The following TANC1 variants were observed in gnomAD, a reference collection of about 807,000 sequenced individuals.
The protein encoded by TANC1 is protein TANC1.
TANC1 carries 77 observed loss-of-function variants against 149.7 expected under a neutral mutation model. That is an observed-to-expected ratio of 0.51 (90% CI 0.43 to 0.62). TANC1 has a LOEUF of 0.62. Ranked by LOEUF, TANC1 falls within the 20% of genes least tolerant of loss-of-function variation. The probability of loss-of-function intolerance (pLI) is 0.00; values close to 1 mark genes in which losing one functional copy is unlikely to be tolerated. For missense variants in TANC1, 1,985 were observed against 2,321.8 expected, an observed-to-expected ratio of 0.85 and a Z score of 2.98; for synonymous variants, 854 against 925.0, an observed-to-expected ratio of 0.92 and a Z score of 1.39.
intron 1 of TANC1, among the ~76,000 whole-genome samples, chr2:158,977,410 G>C (rs1445376369): frequency 6.6e-6 from 1 of 151,890 alleles, no homozygotes; most frequent in Non-Finnish European, 1.5e-5. Flanking sequence ...TCCTGGGTTC[G>C]AGTGATTGTC....
At chr2:159,016,213 A>G (rs2038251211) in intron 2 of TANC1, among the ~76,000 whole-genome samples, 1 of 152,244 alleles carries the variant, frequency 6.6e-6, no homozygotes, top group Non-Finnish European at 1.5e-5. Flanking sequence ...TATGGATTGC[A>G]GCAGGCAAAG....
intron 4 of TANC1, among the ~76,000 whole-genome samples, chr2:159,115,082 G>C (rs566686513): frequency 6.6e-6 from 1 of 152,306 alleles, no homozygotes; most frequent in African/African-American, 2.4e-5. Context: ...AGTTTGGCAA[G>C]AGATGACAAC....
chr2:159,177,279 A>G (rs758678530), intron 13 of TANC1, among the ~76,000 whole-genome samples: 2 of 151,740 alleles, frequency 1.3e-5, no homozygotes, highest in Non-Finnish European at 2.9e-5. Context: ...ATGAGGTAAC[A>G]TTTGCAGCGA....
chr2:159,011,390 A>G (rs1208073566), intron 2 of TANC1, among the ~76,000 whole-genome samples: 3 of 152,212 alleles, frequency 2.0e-5, no homozygotes, highest in Non-Finnish European at 2.9e-5. Context: ...CTCAAAGAGG[A>G]AACACTCAGT....
chr2:159,169,177 A>G, intron 8 of TANC1, 73 bp from the exon 9 acceptor site: 1 of 1,232,382 alleles, frequency 8.1e-7, no homozygotes, highest in East Asian at 2.4e-5. Context: ...TTAGTGATTT[A>G]TAAGTTATAG....
At position 159,175,083 on chromosome 2, in the gene TANC1, A is replaced by G; in HGVS notation, c.1634A>G (p.Glu545Gly). 2 of 1,614,148 alleles carry G rather than the reference A, an allele frequency of 1.2e-6. No individual in the cohort carries two copies. The highest frequency in any genetic ancestry group is 1.7e-6 in the Non-Finnish European group (2 of 1,180,030). The stretch of plus-strand genomic sequence containing the variant: ...GCCTACAGAGACCTTCTGATAAAGG[A>G]GCCCCAACTACAGAGCATGCTGAGC... The part of the protein sequence containing the change: ...LAAYRDLLIK[E>G]PQLQSMLSLR... The change falls in exon 12 of 27, where the codon GAG (glutamate) becomes GGG (glycine). Residue 545 changes from glutamate (E) to glycine (G), a missense_variant. By Grantham distance (98) the Glu-to-Gly change is moderately conservative. Coordinates refer to ENST00000263635, the MANE Select transcript of TANC1 (RefSeq NM_033394.3).
chr2:159,216,276 A>T (rs1018799347), intron 19 of TANC1, among the ~76,000 whole-genome samples: 7 of 152,026 alleles, frequency 4.6e-5, no homozygotes, highest in Non-Finnish European at 4.4e-5. Context: ...TGCCTGACTG[A>T]CTTGTAAGAA....
At chr2:159,141,670 A>G (rs2051384753) in intron 5 of TANC1, among the ~76,000 whole-genome samples, 1 of 152,220 alleles carries the variant, frequency 6.6e-6, no homozygotes, top group African/African-American at 2.4e-5. Context: ...AGAGCTCAGG[A>G]TATAAACTGG....
At chr2:158,990,606 A>C (rs752804852) in intron 1 of TANC1, among the ~76,000 whole-genome samples, 1 of 152,098 alleles carries the variant, frequency 6.6e-6, no homozygotes, top group Non-Finnish European at 1.5e-5. Context: ...GCAAGGTGGG[A>C]TGGGTTGTAG....
At chr2:158,971,635 C>A (rs2032895935) in intron 1 of TANC1, among the ~76,000 whole-genome samples, 1 of 152,182 alleles carries the variant, frequency 6.6e-6, no homozygotes, top group Non-Finnish European at 1.5e-5. Context: ...TTAAGCCTTT[C>A]TGGGTCTTGG....
chr2:159,227,755 T>G, intron 24 of TANC1, 64 bp from the exon 25 acceptor site: 1 of 1,551,906 alleles, frequency 6.4e-7, no homozygotes. Flanking sequence ...GTGTTCCAGG[T>G]GTGGGAGTTA....
intron 16 of TANC1, among the ~76,000 whole-genome samples, chr2:159,192,268 A>T (rs1168113513): frequency 1.3e-5 from 2 of 152,120 alleles, no homozygotes; most frequent in Non-Finnish European, 2.9e-5. Context: ...ATTTGTATTT[A>T]CTTTTGGCCT....
At chr2:159,144,838 G>T (rs1054830012) in intron 5 of TANC1, among the ~76,000 whole-genome samples, 1 of 152,176 alleles carries the variant, frequency 6.6e-6, no homozygotes, top group African/African-American at 2.4e-5. Context: ...GCAGGTCATG[G>T]ATAGATAGAG....
chr2:159,083,867 G>A (rs899186946), intron 3 of TANC1, among the ~76,000 whole-genome samples: 4 of 151,820 alleles, frequency 2.6e-5, no homozygotes, highest in Non-Finnish European at 5.9e-5. Flanking sequence ...TTGGAAAACT[G>A]AGCAGTGAAT....
chr2:159,223,798 T>TGCC (rs2059848713), intron 22 of TANC1, among the ~76,000 whole-genome samples: 1 of 152,238 alleles, frequency 6.6e-6, no homozygotes, highest in African/African-American at 2.4e-5. Flanking sequence ...CTTAACAGTC[T>TGCC]GCCGTGCACA....
At chr2:159,045,125 A>C (rs1315370532) in intron 2 of TANC1, among the ~76,000 whole-genome samples, 2 of 152,168 alleles carry the variant, frequency 1.3e-5, no homozygotes, top group East Asian at 1.9e-4. Context: ...TGTTGTTTTA[A>C]AGTTCCACAA....
At chr2:159,044,126 T>G (rs1559165831) in intron 2 of TANC1, among the ~76,000 whole-genome samples, 1 of 152,234 alleles carries the variant, frequency 6.6e-6, no homozygotes, top group Non-Finnish European at 1.5e-5. Flanking sequence ...TAGTCTTATA[T>G]GTAAGTTATG....
chr2:159,130,275 G>C (rs537558358), intron 4 of TANC1, among the ~76,000 whole-genome samples: 1 of 152,260 alleles, frequency 6.6e-6, no homozygotes, highest in Admixed American at 6.5e-5. Context: ...ATTACATTCT[G>C]GTTAATTTGG....
intron 3 of TANC1, among the ~76,000 whole-genome samples, chr2:159,089,301 T>C (rs2045289560): frequency 6.6e-6 from 1 of 152,220 alleles, no homozygotes. Flanking sequence ...TGAGTTTTCT[T>C]ACTTTGTAGT....
Sources: allele counts gnomAD v4.1 joint callset (sites outside exome capture counted in the v4.1 genomes callset), GRCh38; gene constraint gnomAD v4.1.1; transcripts MANE v1.5; gene names NCBI Gene and HGNC (gene_info 2026-07-23, HGNC 2026-07-21).